DDC: variants seen among roughly 807,000 people sequenced by gnomAD.
DDC encodes aromatic-L-amino-acid decarboxylase.
In DDC, 43 loss-of-function variants were observed where a neutral mutation model predicts 60.0. That is an observed-to-expected ratio of 0.72 (90% CI 0.56 to 0.92). The LOEUF (loss-of-function observed/expected upper bound fraction) is 0.92, where lower values mean the gene tolerates loss of function less well. Among genes scored for constraint, DDC ranks in the 40% least tolerant of loss-of-function variants. The probability of loss-of-function intolerance (pLI) is 0.00; values close to 1 mark genes in which losing one functional copy is unlikely to be tolerated. For missense variants in DDC, 573 were observed against 620.2 expected (o/e 0.92, Z 0.81); for synonymous variants, 232 against 234.6 (o/e 0.99, Z 0.10).
chr7:50,537,959 T>C lies in DDC; in HGVS notation c.336A>G (p.Thr112=). Residue 112 remains threonine (T), a synonymous_variant, in exon 4 of 15, where the codon ACA becomes ACG. Coordinates refer to ENST00000444124, the MANE Select transcript of DDC (RefSeq NM_001082971.2). The stretch of plus-strand genomic sequence containing the variant: ...AGTCCATCATCACAGTCTCCAGCTC[T>C]GTGCATGCTGGGCTTGCCGCCTGTC... ...GFSWAASPAC[T]ELETVMMDWL... 1 of 1,614,160 alleles carries C rather than the reference T, an allele frequency of 6.2e-7. No homozygotes were observed. The highest frequency in any genetic ancestry group is 1.1e-5 in the South Asian group (1 of 91,082).
chr7:50,559,449 A>G (rs1266805823), intron 1 of DDC, among the ~76,000 whole-genome samples: 1 of 146,624 alleles, frequency 6.8e-6, no homozygotes, highest in Non-Finnish European at 1.5e-5. Context: ...TTTTTTGGAG[A>G]CAGAGTCTCG....
chr7:50,560,128 C>T (rs1248431340), intron 1 of DDC, among the ~76,000 whole-genome samples: 2 of 152,248 alleles, frequency 1.3e-5, no homozygotes, highest in Admixed American at 6.5e-5. Flanking sequence ...AGCAGGACTC[C>T]GGTGCCCCCA....
chr7:50,465,724 A>G (rs1283951547), intron 13 of DDC, among the ~76,000 whole-genome samples: 1 of 152,258 alleles, frequency 6.6e-6, no homozygotes, highest in Non-Finnish European at 1.5e-5. Context: ...AGAACTGTTA[A>G]AAAAATAGAA....
At chr7:50,513,345 A>G (rs1374064949) in intron 6 of DDC, among the ~76,000 whole-genome samples, 1 of 152,214 alleles carries the variant, frequency 6.6e-6, no homozygotes, top group Non-Finnish European at 1.5e-5. Context: ...TGGGTTCCCA[A>G]GCAGGTCATT....
chr7:50,471,750 C>T (rs186598353), intron 11 of DDC, among the ~76,000 whole-genome samples: 1 of 152,270 alleles, frequency 6.6e-6, no homozygotes, highest in Admixed American at 6.5e-5. Flanking sequence ...CTGGTCAGCA[C>T]TGTTTGCAAG....
chr7:50,547,833 A>G (rs926643669), intron 1 of DDC, among the ~76,000 whole-genome samples: 3 of 152,226 alleles, frequency 2.0e-5, no homozygotes, highest in Non-Finnish European at 4.4e-5. Context: ...GGCAACAAAA[A>G]TCGTGACAAT....
rs375172693 is a variant in DDC, at chr7:50,474,722, C to T, written c.1041+1902G>A. ...AGTTTATCTAAAAGGACTTTGGTTC[C>T]CAGAGGACTTGTTAGTCAATACGGA... On this transcript the variant is annotated intron_variant, in intron 11 of 14. Coordinates refer to ENST00000444124, the MANE Select transcript of DDC (RefSeq NM_001082971.2). Among the ~76,000 whole-genome samples the T allele has an allele frequency of 2.0e-5, 3 of 152,266 alleles. No individual in the cohort carries two copies. The East Asian group carries it at 5.8e-4, about 29-fold the overall frequency.
At chr7:50,495,850 A>G (rs1358756971) in intron 8 of DDC, among the ~76,000 whole-genome samples, 1 of 152,234 alleles carries the variant, frequency 6.6e-6, no homozygotes, top group African/African-American at 2.4e-5. Context: ...CTTCACAAGC[A>G]CAACGTACAG....
intron 11 of DDC, among the ~76,000 whole-genome samples, chr7:50,475,880 G>A (rs2042631620): frequency 6.6e-6 from 1 of 151,976 alleles, no homozygotes; most frequent in Non-Finnish European, 1.5e-5. Flanking sequence ...AGCACAGATG[G>A]GGTTTCACCA....
At chr7:50,460,079 G>A (rs1364741169) in intron 14 of DDC, among the ~76,000 whole-genome samples, 20 of 143,380 alleles carry the variant, frequency 1.4e-4, no homozygotes, top group East Asian at 6.4e-4. Flanking sequence ...CCCCCCGCCC[G>A]GCCAGCCGCC....
chr7:50,542,866 G>A (rs1402134972), intron 2 of DDC: 1 of 152,244 alleles, frequency 6.6e-6, no homozygotes, highest in Non-Finnish European at 1.5e-5. Flanking sequence ...CAGTCCCTGA[G>A]GTCCAGGGCC....
chr7:50,526,572 G>A (rs889657047), intron 6 of DDC, among the ~76,000 whole-genome samples: 2 of 152,154 alleles, frequency 1.3e-5, no homozygotes, highest in African/African-American at 4.8e-5. Flanking sequence ...TCATATAATA[G>A]TTGAGCCAAA....
intron 6 of DDC, among the ~76,000 whole-genome samples, chr7:50,515,018 C>T (rs114648538): frequency 0.029 from 4,456 of 152,210 alleles, 124 homozygotes; most frequent in South Asian, 0.044. Flanking sequence ...AAAATTTCCC[C>T]GACCTGGCTA....
rs11575327 is a variant in DDC, at chr7:50,536,682, T to C, written c.435+1178A>G. Among the ~76,000 whole-genome samples, 683 of 152,366 alleles carry C rather than the reference T, an allele frequency of 4.5e-3. 6 individuals are homozygous for C. Among genetic ancestry groups the C allele is most frequent in the African/African-American group, 0.016 (660 of 41,584 alleles). ...ACTGTAAGATAATCAGTTTGTCTTATTTTGAGCCACAAAATTTGTCACAAC... is the reference window on the plus strand; with the variant it reads ...ACTGTAAGATAATCAGTTTGTCTTACTTTGAGCCACAAAATTTGTCACAAC... On this transcript the variant is annotated intron_variant, in intron 4 of 14. Coordinates refer to ENST00000444124, the MANE Select transcript of DDC (RefSeq NM_001082971.2).
chr7:50,539,373 A>T (rs868752981), intron 3 of DDC, among the ~76,000 whole-genome samples: 12 of 152,286 alleles, frequency 7.9e-5, no homozygotes, highest in Middle Eastern at 3.4e-3. Flanking sequence ...TCTTCTGAGT[A>T]GGGACTTTTT....
At chr7:50,494,104 C>A (rs1436563446) in intron 9 of DDC, among the ~76,000 whole-genome samples, 1 of 152,130 alleles carries the variant, frequency 6.6e-6, no homozygotes, top group African/African-American at 2.4e-5. Context: ...GTATCACTGC[C>A]CATCATCATT....
At chr7:50,540,128 A>T (rs547558349) in intron 2 of DDC, 100 bp from the exon 3 acceptor site, 22 of 841,266 alleles carry the variant, frequency 2.6e-5, no homozygotes, top group Non-Finnish European at 4.4e-5. Flanking sequence ...TGCCAGATGC[A>T]GCCAGACCCA....
At chr7:50,513,810 C>T (rs983741793) in intron 6 of DDC, among the ~76,000 whole-genome samples, 5 of 152,020 alleles carry the variant, frequency 3.3e-5, no homozygotes, top group Non-Finnish European at 7.4e-5. Flanking sequence ...CCACAGCAGC[C>T]GCAGCAAGAC....
chr7:50,561,409 G>C (rs2045342785), intron 1 of DDC, among the ~76,000 whole-genome samples: 1 of 152,150 alleles, frequency 6.6e-6, no homozygotes, highest in South Asian at 2.1e-4. Context: ...GGGACGGCGT[G>C]GCATTTGGGG....
Sources: allele counts gnomAD v4.1 joint callset (sites outside exome capture counted in the v4.1 genomes callset), GRCh38; gene constraint gnomAD v4.1.1; transcripts MANE v1.5; gene names NCBI Gene and HGNC (gene_info 2026-07-23, HGNC 2026-07-21).